The following TTC8 variants were observed in gnomAD, a reference collection of about 807,000 sequenced individuals.
TTC8 encodes tetratricopeptide repeat domain 8, also known as tetratricopeptide repeat protein 8.
Under a neutral mutation model 72.5 loss-of-function variants are expected in TTC8, and 47 were observed. That is an observed-to-expected ratio of 0.65 (90% confidence interval 0.51 to 0.83). The LOEUF is 0.83. Among genes scored for constraint, TTC8 ranks in the 40% least tolerant of loss-of-function variants. The pLI is 0.00. For missense variants in TTC8, 611 were observed against 623.2 expected, an observed-to-expected ratio of 0.98 and a Z score of 0.21; for synonymous variants, 199 against 221.4, an observed-to-expected ratio of 0.90 and a Z score of 0.90.
At chr14:88,834,782 T>C (rs2094742662) in intron 2 of TTC8, among the ~76,000 whole-genome samples, 1 of 152,200 alleles carries the variant, frequency 6.6e-6, no homozygotes, top group Admixed American at 6.5e-5. Context: ...TCAGGAAATT[T>C]GGAAGATTTT....
chr14:88,877,627 A>T lies in TTC8; in HGVS notation c.*217A>T, dbSNP rs2094962680. The T allele has an allele frequency of 2.4e-6, 1 of 416,968 alleles. No individual in the cohort carries two copies. Among genetic ancestry groups the T allele is most frequent in the Non-Finnish European group, 4.3e-6 (1 of 232,144 alleles). The allele number at this position is 416,968 out of a possible 1,614,324, so 25.8% of individuals were successfully genotyped here. A position where few individuals can be genotyped will look rare whatever the true frequency, so the allele number is the denominator to read the frequency against. On this transcript the variant is annotated 3_prime_UTR_variant, in exon 15 of 15. Coordinates refer to ENST00000380656, the MANE Select transcript of TTC8 (RefSeq NM_144596.4). ...AATAATATTATAAAATACAGGATTT[A>T]AACCTTTCTAAATAGATCCTGAAAC...
chr14:88,875,110 G>A lies in TTC8; in HGVS notation c.1431+1G>A, dbSNP rs779743153. The stretch of plus-strand genomic sequence containing the variant: ...TAATTTTGCAACAATCTCTGATAAG[G>A]TATTCTCTTTCTTCATTAATTTATC... On this transcript the variant is annotated splice_donor_variant, in intron 14 of 14. Coordinates refer to ENST00000380656, the MANE Select transcript of TTC8 (RefSeq NM_144596.4). LOFTEE classifies it high-confidence loss of function. The A allele has an allele frequency of 1.9e-6, 3 of 1,606,454 alleles. No individual in the cohort carries two copies. Among genetic ancestry groups the A allele is most frequent in the East Asian group, 2.2e-5 (1 of 44,712 alleles).
intron 6 of TTC8, 129 bp downstream of exon 6, chr14:88,841,643 G>A: frequency 1.2e-6 from 1 of 808,632 alleles, no homozygotes; most frequent in Non-Finnish European, 2.1e-6. Context: ...TGTTTTATAT[G>A]TAAAATTACT....
intron 10 of TTC8, 88 bp downstream of exon 10, chr14:88,861,420 A>G (rs2094885452): frequency 2.2e-6 from 2 of 923,200 alleles, no homozygotes; most frequent in East Asian, 5.4e-5. Flanking sequence ...ATTCCTGTAT[A>G]CAATGTGTAA....
chr14:88,831,073 C>T (rs567044215), intron 1 of TTC8: 19 of 341,654 alleles, frequency 5.6e-5, no homozygotes, highest in East Asian at 5.4e-4. Flanking sequence ...GGTCACAACA[C>T]GGCTGACCAA....
rs900435380 is a variant in TTC8, at chr14:88,831,992, G to A, written c.115-1701G>A. On this transcript the variant is annotated intron_variant, in intron 1 of 14. Transcript: ENST00000380656. ...GTGCCTCCCCCTCTAGAATGTTGTG[G>A]AATTAATGTGTTCTTGGCCTCATAC... Among the ~76,000 whole-genome samples, 10 of 152,192 alleles carry A rather than the reference G, an allele frequency of 6.6e-5. No homozygotes were observed. In the East Asian group the frequency reaches 1.7e-3, roughly 26 times the overall value.
Position 88,831,029 on chromosome 14 carries a change from CT to C in TTC8, c.115-2661del, listed in dbSNP as rs552222660. ...CTAGGTTCAAATACTGCCTCTATAC[CT>C]TTGAGGTAAGAGACCAACAGGACTT... On this transcript the variant is annotated intron_variant, in intron 1 of 14. Transcript: ENST00000380656. The C allele has an allele frequency of 5.4e-3, 2,128 of 393,682 alleles. 13 individuals are homozygous for C. Among genetic ancestry groups the C allele is most frequent in the Non-Finnish European group, 8.1e-3 (1,590 of 196,982 alleles). The allele number at this position is 393,682 out of a possible 1,614,324, so 24.4% of individuals were successfully genotyped here. A position where few individuals can be genotyped will look rare whatever the true frequency, so the allele number is the denominator to read the frequency against.
chr14:88,843,342 G>A (rs936162130), intron 6 of TTC8, among the ~76,000 whole-genome samples: 1 of 152,142 alleles, frequency 6.6e-6, no homozygotes, highest in African/African-American at 2.4e-5. Context: ...CTGAATCATA[G>A]AGTTACTATG....
intron 2 of TTC8, among the ~76,000 whole-genome samples, chr14:88,838,469 A>G (rs977090554): frequency 6.6e-6 from 1 of 151,996 alleles, no homozygotes. Flanking sequence ...TGACAGCCAT[A>G]TATTCCTAGT....
In TTC8 at chr14:88,861,276, T is replaced by C; in HGVS notation, c.853T>C (p.Leu285=). The C allele has an allele frequency of 6.2e-7, 1 of 1,613,074 alleles. No individual in the cohort carries two copies. Among genetic ancestry groups the C allele is most frequent in the Non-Finnish European group, 8.5e-7 (1 of 1,179,440 alleles). Residue 285 remains leucine (L), a synonymous_variant, in exon 10 of 15, where the codon TTA becomes CTA. Coordinates refer to ENST00000380656, the MANE Select transcript of TTC8 (RefSeq NM_144596.4). ...VTALNLFKQG[L]DKFPGEVTLL... The stretch of plus-strand genomic sequence containing the variant: ...TGCTTTAAATCTTTTCAAACAAGGC[T>C]TAGATAAGTTTCCAGGAGAAGTAAC...
intron 1 of TTC8, among the ~76,000 whole-genome samples, chr14:88,832,863 G>A (rs895785730): frequency 6.6e-5 from 10 of 152,040 alleles, no homozygotes; most frequent in African/African-American, 2.2e-4. Context: ...TTTTGTGTTC[G>A]GTTCAGTTGA....
At chr14:88,860,558 A>G (rs780757900) in intron 9 of TTC8, among the ~76,000 whole-genome samples, 27 of 152,080 alleles carry the variant, frequency 1.8e-4, no homozygotes, top group Non-Finnish European at 3.2e-4. Flanking sequence ...AGCATCTTTA[A>G]CCTCAGTCTC....
chr14:88,861,367 A>G, intron 10 of TTC8, 35 bp downstream of exon 10: 1 of 1,443,986 alleles, frequency 6.9e-7, no homozygotes, highest in Non-Finnish European at 9.7e-7. Flanking sequence ...ATTTATTGAT[A>G]CACAATAGTT....
intron 2 of TTC8, among the ~76,000 whole-genome samples, chr14:88,834,990 CCT>C (rs2094743861): frequency 6.6e-6 from 1 of 152,108 alleles, no homozygotes; most frequent in Non-Finnish European, 1.5e-5. Flanking sequence ...ATTCTTTTGG[CCT>C]TACTATTTCC....
At chr14:88,852,231 T>C (rs577026151) in intron 7 of TTC8, among the ~76,000 whole-genome samples, 1 of 152,328 alleles carries the variant, frequency 6.6e-6, no homozygotes, top group Admixed American at 6.5e-5. Context: ...ACCTCCTCTA[T>C]GTAAAATTCT....
chr14:88,849,547 C>T (rs2094823936), intron 7 of TTC8, among the ~76,000 whole-genome samples: 1 of 151,790 alleles, frequency 6.6e-6, no homozygotes. Context: ...TAAGAAATAC[C>T]TTGAAATGGT....
Position 88,871,809 on chromosome 14 carries a change from T to G in TTC8, c.1224+86T>G. ...GCTCATGCCTATAATTCCAGCATTT[T>G]GGGAGGCTGAAGCAGGAGGATTGCT... On this transcript the variant is annotated intron_variant, in intron 12 of 14. Coordinates refer to ENST00000380656, the MANE Select transcript of TTC8 (RefSeq NM_144596.4). This position sits in a 1 kb window ranked among gnomAD's most constrained non-coding sequence, Gnocchi z 4.1. 1 of 1,487,466 alleles carries G rather than the reference T, an allele frequency of 6.7e-7. No individual in the cohort carries two copies. The highest frequency in any genetic ancestry group is 9.3e-7 in the Non-Finnish European group (1 of 1,070,394). 92.1% of individuals were successfully genotyped at this position (1,487,466 alleles called of 1,614,324 possible). A position where few individuals can be genotyped will look rare whatever the true frequency, so the allele number is the denominator to read the frequency against.
intron 7 of TTC8, chr14:88,846,994 G>A (rs571796285): frequency 1.7e-4 from 31 of 178,258 alleles, no homozygotes; most frequent in Non-Finnish European, 3.0e-4. Flanking sequence ...ATGATCTTCT[G>A]CCCCTCAAAT....
At chr14:88,848,347 A>G (rs2094818353) in intron 7 of TTC8, among the ~76,000 whole-genome samples, 1 of 152,120 alleles carries the variant, frequency 6.6e-6, no homozygotes, top group African/African-American at 2.4e-5. Flanking sequence ...GGGAGAGTAC[A>G]GTTAGTTGTC....
Sources: allele counts gnomAD v4.1 joint callset (sites outside exome capture counted in the v4.1 genomes callset), GRCh38; gene constraint gnomAD v4.1.1; non-coding constraint Gnocchi (gnomAD v3.1); transcripts MANE v1.5; gene names NCBI Gene and HGNC (gene_info 2026-07-23, HGNC 2026-07-21).